The following LRBA variants were observed in gnomAD, a reference collection of about 807,000 sequenced individuals.
LRBA encodes lipopolysaccharide-responsive and beige-like anchor protein.
In LRBA, 176 loss-of-function variants were observed where a neutral mutation model predicts 330.0. The ratio of observed to expected loss-of-function variants is 0.53; its 90% CI spans 0.47 to 0.60. LRBA has a LOEUF of 0.60. Among genes scored for constraint, LRBA ranks in the 20% least tolerant of loss-of-function variants. The probability of loss-of-function intolerance (pLI) is 0.00; values close to 1 mark genes in which losing one functional copy is unlikely to be tolerated. For synonymous variants in LRBA, 1,230 were observed against 1,193.0 expected, an observed-to-expected ratio of 1.03 and a Z score of -0.64; for missense variants, 3,259 against 3,444.8, an observed-to-expected ratio of 0.95 and a Z score of 1.35.
chr4:150,266,579 C>T (rs1262548535), intron 56 of LRBA, among the ~76,000 whole-genome samples: 2 of 151,952 alleles, frequency 1.3e-5, no homozygotes, highest in African/African-American at 2.4e-5. Context: ...CCTAGTACCT[C>T]GTATCAAAAT....
intron 37 of LRBA, among the ~76,000 whole-genome samples, chr4:150,664,898 C>T (rs4289432): frequency 0.79 from 120,782 of 152,114 alleles, 51,893 homozygotes; most frequent in Non-Finnish European, 0.95. Context: ...ACATAACTCA[C>T]ATATAATTTT....
intron 36 of LRBA, among the ~76,000 whole-genome samples, chr4:150,694,544 A>G (rs950807584): frequency 6.8e-6 from 1 of 147,380 alleles, no homozygotes; most frequent in African/African-American, 2.4e-5. Context: ...AAATCTCAAC[A>G]GCAAACAAAA....
chr4:150,845,544 C>G (rs1269187325), intron 26 of LRBA, among the ~76,000 whole-genome samples: 3 of 152,086 alleles, frequency 2.0e-5, no homozygotes, highest in Non-Finnish European at 2.9e-5. Flanking sequence ...AAATTCCCTC[C>G]AAATCTGTAG....
intron 22 of LRBA, among the ~76,000 whole-genome samples, chr4:150,863,611 A>G (rs1752259939): frequency 6.6e-6 from 1 of 152,202 alleles, no homozygotes; most frequent in Non-Finnish European, 1.5e-5. Flanking sequence ...ACAGTGAGCC[A>G]AGATTGCGCC....
chr4:150,515,983 C>A (rs190235101), intron 40 of LRBA, among the ~76,000 whole-genome samples: 2 of 151,806 alleles, frequency 1.3e-5, no homozygotes, highest in African/African-American at 4.8e-5. Context: ...TTACCAAAAA[C>A]CAATATGTAT....
chr4:150,673,840 T>C (rs1782293413), intron 37 of LRBA, among the ~76,000 whole-genome samples: 2 of 152,236 alleles, frequency 1.3e-5, no homozygotes, highest in Admixed American at 1.3e-4. Flanking sequence ...TTGAATAATA[T>C]TGTGTTATTT....
intron 35 of LRBA, among the ~76,000 whole-genome samples, chr4:150,744,670 G>C (rs904059733): frequency 1.3e-5 from 2 of 152,062 alleles, no homozygotes; most frequent in Non-Finnish European, 2.9e-5. Flanking sequence ...ATTTTAGTTG[G>C]GGAAAAAGAG....
At chr4:150,632,536 A>G (rs1777492069) in intron 37 of LRBA, among the ~76,000 whole-genome samples, 1 of 152,184 alleles carries the variant, frequency 6.6e-6, no homozygotes, top group African/African-American at 2.4e-5. Flanking sequence ...AACAAGTCAA[A>G]TAAGATTTTT....
intron 35 of LRBA, among the ~76,000 whole-genome samples, chr4:150,740,658 A>AC (rs1286968669): frequency 1.3e-5 from 2 of 151,524 alleles, no homozygotes; most frequent in Non-Finnish European, 2.9e-5. Flanking sequence ...AAAAAAAAAA[A>AC]AGTTAAAACT....
intron 2 of LRBA, among the ~76,000 whole-genome samples, chr4:151,000,780 A>G (rs923329801): frequency 6.6e-6 from 1 of 152,262 alleles, no homozygotes; most frequent in African/African-American, 2.4e-5. Flanking sequence ...CAAAATAGTG[A>G]GTAATCACAC....
At position 150,858,857 on chromosome 4, in the gene LRBA, G is replaced by A. The variant is rs550503238; in HGVS notation, c.2767-5914C>T. ...CTTTTGAAATTTCTTCAAACAAGTC[G>A]CTTTTAATCTTATCATACAGCCACC... On this transcript the variant is annotated intron_variant, in intron 22 of 56. Transcript: ENST00000651943. 5.3e-5 allele frequency among the ~76,000 whole-genome samples: 8 copies of A among 152,064 alleles called. No homozygotes were observed. The East Asian group carries it at 9.7e-4, about 18-fold the overall frequency.
chr4:150,874,116 C>G (rs888673847), intron 17 of LRBA, among the ~76,000 whole-genome samples: 2 of 151,962 alleles, frequency 1.3e-5, no homozygotes, highest in Admixed American at 1.3e-4. Context: ...GAGTTTTTTT[C>G]CCCAAAGATG....
chr4:150,511,190 A>T (rs1761792766), intron 40 of LRBA, among the ~76,000 whole-genome samples: 1 of 151,938 alleles, frequency 6.6e-6, no homozygotes, highest in African/African-American at 2.4e-5. Flanking sequence ...CCAAAAACGA[A>T]CTCACTACCA....
chr4:150,525,881 T>C (rs1305947751), intron 40 of LRBA, among the ~76,000 whole-genome samples: 1 of 152,150 alleles, frequency 6.6e-6, no homozygotes, highest in Non-Finnish European at 1.5e-5. Context: ...TCCTCTCAAA[T>C]TTCTAATCTC....
rs1418024086 is a variant in LRBA, at chr4:150,639,817, GTGTATATATATATATA to G, written c.5922-40702_5922-40687del. 4.1e-3 allele frequency among the ~76,000 whole-genome samples: 22 copies of G among 5,368 alleles called. 2 individuals carry two copies. In the East Asian group the frequency reaches 0.043, roughly 11 times the overall value. The allele number at this position is 5,368 out of a possible 152,430, so 3.5% of individuals were successfully genotyped here. On this transcript the variant is annotated intron_variant, in intron 37 of 56. Transcript: ENST00000651943. Reference sequence around the variant, plus strand: ...TATATATATATATATGTGTGTGTGTGTGTATATATATATATATATATATATATATATATATATATAT... The same window carrying G: ...TATATATATATATATGTGTGTGTGTGTATATATATATATATATATATATAT...
rs182235036 is a variant in LRBA at position 150,786,321 on chromosome 4, G to A, written c.5580+11760C>T. Among the ~76,000 whole-genome samples the A allele has an allele frequency of 1.1e-3, 163 of 146,870 alleles. 3 individuals are homozygous for A. The highest frequency in any genetic ancestry group is 4.0e-3 in the African/African-American group (158 of 39,818). On this transcript the variant is annotated intron_variant, in intron 34 of 56. Transcript: ENST00000651943. ...GCCAATGGCATGATCTCAGCTCACCGCAAGTTCCGCCTCCTGGGTTCAAGC... is the reference window on the plus strand; with the variant it reads ...GCCAATGGCATGATCTCAGCTCACCACAAGTTCCGCCTCCTGGGTTCAAGC...
intron 2 of LRBA, among the ~76,000 whole-genome samples, chr4:150,974,764 C>G (rs1030723540): frequency 1.3e-5 from 2 of 152,128 alleles, no homozygotes; most frequent in Non-Finnish European, 2.9e-5. Context: ...CAATACAAGA[C>G]TCATCCCTGT....
Position 150,916,535 on chromosome 4 carries a change from G to T in LRBA, c.768-8C>A, listed in dbSNP as rs758067769. On this transcript the variant is annotated splice_region_variant and splice_polypyrimidine_tract_variant and intron_variant, in intron 6 of 56. Transcript: ENST00000651943. Reference sequence around the variant, plus strand: ...CCTTTGCTGGTTCTGAAACTATAAAGAATAGTTTTCATTTTACCTCTAAAT... The same window carrying T: ...CCTTTGCTGGTTCTGAAACTATAAATAATAGTTTTCATTTTACCTCTAAAT... 1 of 1,610,704 alleles carries T rather than the reference G, an allele frequency of 6.2e-7. No individual in the cohort carries two copies. The highest frequency in any genetic ancestry group is 1.1e-5 in the South Asian group (1 of 90,176).
chr4:150,779,205 A>G (rs1451693238), intron 34 of LRBA, among the ~76,000 whole-genome samples: 1 of 152,140 alleles, frequency 6.6e-6, no homozygotes, highest in Non-Finnish European at 1.5e-5. Context: ...CATTTTCTAA[A>G]CAAAGTTATT....
Sources: gnomAD v4.1 joint callset for allele counts (sites outside exome capture counted in the v4.1 genomes callset) on GRCh38, gnomAD v4.1.1 for gene constraint, MANE v1.5 for transcripts, NCBI Gene and HGNC (gene_info 2026-07-23, HGNC 2026-07-21) for gene names.